BCL2: variants seen among roughly 807,000 people sequenced by gnomAD.
BCL2 encodes the protein BCL2 apoptosis regulator.
A neutral mutation model predicts 14.2 loss-of-function variants in BCL2; 1 was observed. That is an observed-to-expected ratio of 0.07 (90% confidence interval 0.02 to 0.33). The LOEUF is 0.33. BCL2 is among the 10% of genes least tolerant of loss of function. The pLI is 0.99. For synonymous variants in BCL2, 151 were observed against 137.2 expected (o/e 1.10, Z -0.70); for missense variants, 247 against 305.9 (o/e 0.81, Z 1.44).
intron 2 of BCL2, among the ~76,000 whole-genome samples, chr18:63,223,936 C>G (rs556678547): frequency 6.6e-6 from 1 of 151,904 alleles, no homozygotes; most frequent in East Asian, 1.9e-4. Context: ...AACAAACAGA[C>G]TGAAAAAGAC....
At chr18:63,144,117 C>T (rs1299977530) in intron 2 of BCL2, among the ~76,000 whole-genome samples, 1 of 152,194 alleles carries the variant, frequency 6.6e-6, no homozygotes, top group Non-Finnish European at 1.5e-5. Context: ...AATCTTGGAT[C>T]CACAGGCAAC....
chr18:63,206,885 G>A (rs1383998006), intron 2 of BCL2, among the ~76,000 whole-genome samples: 2 of 152,102 alleles, frequency 1.3e-5, no homozygotes, highest in Non-Finnish European at 2.9e-5. Flanking sequence ...GTCAGAGGAA[G>A]CCCAAAAGTG....
chr18:63,187,057 A>G (rs546231601), intron 2 of BCL2, among the ~76,000 whole-genome samples: 1 of 152,364 alleles, frequency 6.6e-6, no homozygotes, highest in East Asian at 1.9e-4. Context: ...AGGATATTAT[A>G]TCAACAGTCC....
intron 2 of BCL2, among the ~76,000 whole-genome samples, chr18:63,139,058 C>T (rs1739200456): frequency 6.6e-6 from 1 of 152,206 alleles, no homozygotes; most frequent in African/African-American, 2.4e-5. Flanking sequence ...CTGGCTATTC[C>T]AGAGATGGAC....
chr18:63,260,634 T>G (rs1911629850), intron 2 of BCL2, among the ~76,000 whole-genome samples: 1 of 152,092 alleles, frequency 6.6e-6, no homozygotes, highest in Non-Finnish European at 1.5e-5. Context: ...GGTTCGTTAC[T>G]AATGAGGCTC....
chr18:63,138,916 C>A lies in BCL2; in HGVS notation c.586-10157G>T, dbSNP rs4987837. The stretch of plus-strand genomic sequence containing the variant: ...GCTGGGGAGGCTGAAAAATGAGAAG[C>A]CCAAATGGGTGCTTCCTTTCTCTGG... On this transcript the variant is annotated intron_variant, in intron 2 of 2. Coordinates refer to ENST00000333681, the MANE Select transcript of BCL2 (RefSeq NM_000633.3). 2.6e-5 allele frequency among the ~76,000 whole-genome samples: 4 copies of A among 152,320 alleles called. No individual in the cohort carries two copies. The South Asian group carries it at 6.2e-4, about 24-fold the overall frequency.
intron 2 of BCL2, among the ~76,000 whole-genome samples, chr18:63,273,576 G>A (rs182223439): frequency 2.0e-5 from 3 of 152,254 alleles, no homozygotes; most frequent in East Asian, 1.9e-4. Flanking sequence ...TTGCTAGGTC[G>A]GCCGATTAGC....
chr18:63,241,561 G>A (rs976248780), intron 2 of BCL2, among the ~76,000 whole-genome samples: 13 of 152,186 alleles, frequency 8.5e-5, no homozygotes, highest in African/African-American at 3.1e-4. Flanking sequence ...TCCTGGGAAA[G>A]GGGAAGAAAT....
At chr18:63,258,473 G>A (rs1016458290) in intron 2 of BCL2, among the ~76,000 whole-genome samples, 5 of 152,174 alleles carry the variant, frequency 3.3e-5, no homozygotes, top group African/African-American at 1.2e-4. Context: ...TTTATTAAAA[G>A]CCTTCTGTGT....
chr18:63,312,905 G>T (rs891364939), intron 2 of BCL2, among the ~76,000 whole-genome samples: 1 of 152,094 alleles, frequency 6.6e-6, no homozygotes, highest in Non-Finnish European at 1.5e-5. Context: ...GTGCTTAGTG[G>T]GTTAATATTT....
In BCL2 at chr18:63,220,993, G is replaced by A. The variant is rs114137016; in HGVS notation, c.586-92234C>T. Among the ~76,000 whole-genome samples, 478 of 152,268 alleles carry A rather than the reference G, an allele frequency of 3.1e-3. 6 individuals carry two copies. Among genetic ancestry groups the A allele is most frequent in the African/African-American group, 0.011 (439 of 41,562 alleles). Reference sequence around the variant, plus strand: ...ATGGTATATGTGGCTTTTCCAAAATGTCTCAGTGACTTAAGGCTCAACAAG... The same window carrying A: ...ATGGTATATGTGGCTTTTCCAAAATATCTCAGTGACTTAAGGCTCAACAAG... On this transcript the variant is annotated intron_variant, in intron 2 of 2. Transcript: ENST00000333681.
At chr18:63,172,093 T>C (rs569244714) in intron 2 of BCL2, among the ~76,000 whole-genome samples, 1 of 152,366 alleles carries the variant, frequency 6.6e-6, no homozygotes, top group East Asian at 1.9e-4. Context: ...CTAATACCTA[T>C]AAGGCACAGG....
intron 2 of BCL2, among the ~76,000 whole-genome samples, chr18:63,298,787 A>G (rs1345834050): frequency 6.6e-6 from 1 of 152,198 alleles, no homozygotes; most frequent in Non-Finnish European, 1.5e-5. Flanking sequence ...TACTAAGGTC[A>G]TCTCAGATGG....
chr18:63,187,078 C>T (rs1251712247), intron 2 of BCL2, among the ~76,000 whole-genome samples: 1 of 152,184 alleles, frequency 6.6e-6, no homozygotes, highest in Non-Finnish European at 1.5e-5. Flanking sequence ...CTTTTAAGAA[C>T]AGGAAGTTAT....
At chr18:63,288,716 A>C (rs7232625) in intron 2 of BCL2, among the ~76,000 whole-genome samples, 19,575 of 152,208 alleles carry the variant, frequency 0.13, 1,392 homozygotes, top group Admixed American at 0.19. Flanking sequence ...AGAATCAGAA[A>C]CTCAAGTTGC....
intron 2 of BCL2, among the ~76,000 whole-genome samples, chr18:63,198,742 G>A (rs1328621986): frequency 4.8e-5 from 4 of 82,476 alleles, no homozygotes; most frequent in African/African-American, 2.1e-4. Context: ...CAGACACAGG[G>A]ACACACACAG....
At chr18:63,257,477 T>C (rs916529587) in intron 2 of BCL2, among the ~76,000 whole-genome samples, 3 of 152,226 alleles carry the variant, frequency 2.0e-5, no homozygotes, top group African/African-American at 7.2e-5. Flanking sequence ...CCAGAGGGCA[T>C]GCAAAGGTAT....
At chr18:63,279,659 GC>G (rs1400650212) in intron 2 of BCL2, among the ~76,000 whole-genome samples, 1 of 152,180 alleles carries the variant, frequency 6.6e-6, no homozygotes, top group Non-Finnish European at 1.5e-5. Context: ...GTTCACAGCA[GC>G]ATTATATATC....
At chr18:63,193,013 T>C (rs12457700) in intron 2 of BCL2, among the ~76,000 whole-genome samples, 95,396 of 152,028 alleles carry the variant, frequency 0.63, 31,132 homozygotes, top group Non-Finnish European at 0.73. Context: ...CGTGATGAAA[T>C]GTCACACTCA....
Sources: gnomAD v4.1 joint callset for allele counts (sites outside exome capture counted in the v4.1 genomes callset) on GRCh38, gnomAD v4.1.1 for gene constraint, MANE v1.5 for transcripts, NCBI Gene and HGNC (gene_info 2026-07-23, HGNC 2026-07-21) for gene names.